EYA3: variants seen among roughly 807,000 people sequenced by gnomAD.
The protein encoded by EYA3 is protein phosphatase EYA3.
EYA3 carries 39 observed loss-of-function variants against 80.0 expected under a neutral mutation model. That is an observed-to-expected ratio of 0.49 (90% CI 0.38 to 0.64). The LOEUF (loss-of-function observed/expected upper bound fraction) is 0.64. Among genes scored for constraint, EYA3 ranks in the 30% least tolerant of loss-of-function variants. EYA3 has a pLI of 0.00. For missense variants in EYA3, 523 were observed against 676.1 expected (o/e 0.77, Z 2.51); for synonymous variants, 206 against 232.8 (o/e 0.88, Z 1.05).
chr1:28,037,253 G>T (rs1293060738), intron 5 of EYA3, among the ~76,000 whole-genome samples: 1 of 152,160 alleles, frequency 6.6e-6, no homozygotes, highest in African/African-American at 2.4e-5. Context: ...AAACAGTTCA[G>T]ATAAGTAATA....
intron 3 of EYA3, among the ~76,000 whole-genome samples, chr1:28,046,227 A>G (rs1644000058): frequency 6.6e-6 from 1 of 152,228 alleles, no homozygotes; most frequent in Non-Finnish European, 1.5e-5. Context: ...TAAACTGTAC[A>G]CTTAAAATGG....
intron 2 of EYA3, among the ~76,000 whole-genome samples, 178 bp downstream of exon 2, chr1:28,057,816 T>C (rs1644485636): frequency 6.6e-6 from 1 of 152,176 alleles, no homozygotes; most frequent in Non-Finnish European, 1.5e-5. Flanking sequence ...AATGCTAAAT[T>C]TTCCTTAGAC....
chr1:28,010,184 A>G (rs1268645362), intron 10 of EYA3, among the ~76,000 whole-genome samples: 1 of 152,178 alleles, frequency 6.6e-6, no homozygotes, highest in Admixed American at 6.5e-5. Context: ...CGGAAAACAG[A>G]AAACAAAAAG....
intron 7 of EYA3, among the ~76,000 whole-genome samples, chr1:28,020,667 C>CGTGTGTGTGTGTGTGTGTGTGT (rs56017264): frequency 3.3e-4 from 45 of 134,560 alleles, no homozygotes; most frequent in East Asian, 8.5e-4. Context: ...TACAGATCAT[C>CGTGTGTGTGTGTGTGTGTGTGT]GTGTGTGTGT....
chr1:28,043,201 G>C (rs1202907814), intron 3 of EYA3, among the ~76,000 whole-genome samples: 1 of 151,902 alleles, frequency 6.6e-6, no homozygotes, highest in Non-Finnish European at 1.5e-5. Flanking sequence ...AGAAATTCCA[G>C]CTAAGTCACT....
chr1:28,038,202 C>T (rs550326732), intron 5 of EYA3, among the ~76,000 whole-genome samples: 114 of 151,984 alleles, frequency 7.5e-4, no homozygotes, highest in Middle Eastern at 6.8e-3. Context: ...CAGCACTTTG[C>T]GAGGTAGGCA....
At chr1:28,063,304 TA>T (rs56047329) in intron 1 of EYA3, among the ~76,000 whole-genome samples, 1,897 of 77,366 alleles carry the variant, frequency 0.025, 39 homozygotes, top group African/African-American at 0.075. Flanking sequence ...TATATATATA[TA>T]TTTTTTTTTA....
intron 1 of EYA3, among the ~76,000 whole-genome samples, chr1:28,062,094 G>A (rs545782594): frequency 3.9e-5 from 6 of 152,200 alleles, no homozygotes; most frequent in African/African-American, 7.2e-5. Context: ...GACATGCCCC[G>A]AGTTAATCTT....
At chr1:28,074,758 T>A (rs1479699960) in intron 1 of EYA3, among the ~76,000 whole-genome samples, 5 of 152,198 alleles carry the variant, frequency 3.3e-5, no homozygotes, top group Non-Finnish European at 7.4e-5. Context: ...TTTGCATGCT[T>A]TGTAATAACA....
Position 28,013,338 on chromosome 1 carries a change from C to T in EYA3, c.586-44G>A, listed in dbSNP as rs1321294529. 1 of 1,440,400 alleles carries T rather than the reference C, an allele frequency of 6.9e-7. No individual in the cohort carries two copies. The highest frequency in any genetic ancestry group is 9.3e-7 in the Non-Finnish European group (1 of 1,075,278). 89.2% of individuals were successfully genotyped at this position (1,440,400 alleles called of 1,614,324 possible). ...AAGAAAACAAGACTCTTATAGCATACATTAATCTCAACACAAGAGGCTTTC... is the reference window on the plus strand; with the variant it reads ...AAGAAAACAAGACTCTTATAGCATATATTAATCTCAACACAAGAGGCTTTC... On this transcript the variant is annotated intron_variant, in intron 8 of 17. Transcript: ENST00000373871. The surrounding 1 kb of genome is among the most constrained non-coding windows in gnomAD (Gnocchi z 4.0).
chr1:28,044,635 G>A (rs896903973), intron 3 of EYA3, among the ~76,000 whole-genome samples: 2 of 152,038 alleles, frequency 1.3e-5, no homozygotes, highest in Non-Finnish European at 2.9e-5. Context: ...CAGCAAAATT[G>A]TAAAAAGAAA....
intron 16 of EYA3, among the ~76,000 whole-genome samples, chr1:27,984,597 T>G (rs1336431067): frequency 6.6e-6 from 1 of 152,204 alleles, no homozygotes; most frequent in African/African-American, 2.4e-5. Context: ...CCAGTTATCT[T>G]AGCACCACTG....
At chr1:27,998,558 C>T (rs1173965175) in intron 12 of EYA3, among the ~76,000 whole-genome samples, 7 of 151,838 alleles carry the variant, frequency 4.6e-5, no homozygotes, top group Non-Finnish European at 7.4e-5. Context: ...GTAGAACAGA[C>T]GTTTATTTTA....
chr1:28,003,561 C>G (rs943891506), intron 11 of EYA3, among the ~76,000 whole-genome samples: 1 of 152,066 alleles, frequency 6.6e-6, no homozygotes, highest in Admixed American at 6.6e-5. Context: ...AGTAACAGGA[C>G]AGGTAAAGGA....
chr1:27,980,205 T>C (rs1639205899), intron 16 of EYA3, among the ~76,000 whole-genome samples: 1 of 152,230 alleles, frequency 6.6e-6, no homozygotes, highest in South Asian at 2.1e-4. Flanking sequence ...GTCTTATGCC[T>C]CAATTCAGTT....
chr1:28,069,749 T>G (rs1571948399), intron 1 of EYA3, among the ~76,000 whole-genome samples: 1 of 152,162 alleles, frequency 6.6e-6, no homozygotes, highest in Admixed American at 6.5e-5. Flanking sequence ...GTCCATAGCC[T>G]AATACCCAGA....
intron 6 of EYA3, among the ~76,000 whole-genome samples, chr1:28,029,296 A>T (rs1050057704): frequency 6.6e-6 from 1 of 152,216 alleles, no homozygotes; most frequent in Non-Finnish European, 1.5e-5. Context: ...TACATATATT[A>T]CAGAGATACC....
At chr1:27,985,825 G>A (rs1046993405) in intron 16 of EYA3, among the ~76,000 whole-genome samples, 4 of 151,840 alleles carry the variant, frequency 2.6e-5, no homozygotes, top group African/African-American at 9.7e-5. Context: ...CAAGTAATCA[G>A]CCCGTCTTGG....
At chr1:28,027,541 T>C (rs1265522123) in intron 7 of EYA3, among the ~76,000 whole-genome samples, 1 of 152,058 alleles carries the variant, frequency 6.6e-6, no homozygotes, top group Non-Finnish European at 1.5e-5. Context: ...GACACCAACA[T>C]GCAAAAGGGA....
Sources: gnomAD v4.1 joint callset for allele counts (sites outside exome capture counted in the v4.1 genomes callset) on GRCh38, gnomAD v4.1.1 for gene constraint, Gnocchi (gnomAD v3.1) non-coding constraint, MANE v1.5 for transcripts, NCBI Gene and HGNC (gene_info 2026-07-23, HGNC 2026-07-21) for gene names.